The following ZNF595 variants were observed in gnomAD, a reference collection of about 807,000 sequenced individuals.
ZNF595 encodes the protein zinc finger protein 595.
ZNF595 carries 9 observed loss-of-function variants against 19.4 expected under a neutral mutation model. The ratio of observed to expected loss-of-function variants is 0.46; its 90% CI spans 0.28 to 0.81. The LOEUF (loss-of-function observed/expected upper bound fraction) is 0.81, where lower values mean the gene tolerates loss of function less well. ZNF595 is among the 30% of genes least tolerant of loss of function. The pLI, the probability that ZNF595 is intolerant of heterozygous loss-of-function variation, is 0.11. For synonymous variants in ZNF595, 255 were observed against 255.9 expected, an observed-to-expected ratio of 1.00 and a Z score of 0.03; for missense variants, 729 against 736.0, an observed-to-expected ratio of 0.99 and a Z score of 0.11.
chr4:73,507 G>A (rs1311399458), intron 3 of ZNF595, among the ~76,000 whole-genome samples: 1 of 152,126 alleles, frequency 6.6e-6, no homozygotes, highest in Non-Finnish European at 1.5e-5. Context: ...TTTAGAATCG[G>A]TGAATTTGAG....
At chr4:81,782 A>G (rs954209688) in intron 3 of ZNF595, among the ~76,000 whole-genome samples, 13 of 152,206 alleles carry the variant, frequency 8.5e-5, no homozygotes, top group Non-Finnish European at 1.6e-4. Context: ...GTTGATTCAT[A>G]CAGTTTCTCT....
At chr4:72,737 A>G (rs1182815407) in intron 3 of ZNF595, among the ~76,000 whole-genome samples, 2 of 152,198 alleles carry the variant, frequency 1.3e-5, no homozygotes, top group Admixed American at 6.5e-5. Context: ...TCCTGTGAAC[A>G]TAAGTGCTGA....
intron 3 of ZNF595, among the ~76,000 whole-genome samples, chr4:83,619 CAAAAAAAAAAAAA>C (rs71164492): frequency 1.8e-4 from 7 of 38,600 alleles, no homozygotes; most frequent in East Asian, 2.3e-3. Context: ...GACTCCGTCT[CAAAAAAAAAAAAA>C]AAAAAAAAAA....
intron 3 of ZNF595, among the ~76,000 whole-genome samples, chr4:69,901 G>A (rs782751497): frequency 4.6e-5 from 7 of 152,076 alleles, no homozygotes; most frequent in South Asian, 2.1e-4. Flanking sequence ...TTCATAGTTC[G>A]ATGCGGGGGT....
chr4:83,632 AAAAAAAAAAAAAAG>A (rs1420018683), intron 3 of ZNF595, among the ~76,000 whole-genome samples: 44 of 140,168 alleles, frequency 3.1e-4, no homozygotes, highest in African/African-American at 1.1e-3. Flanking sequence ...AAAAAAAAAA[AAAAAAAAAAAAAAG>A]AAAGAAAGAA....
intron 3 of ZNF595, among the ~76,000 whole-genome samples, chr4:79,685 T>C (rs1227599689): frequency 2.6e-5 from 4 of 151,650 alleles, no homozygotes; most frequent in East Asian, 1.9e-4. Flanking sequence ...GTTTTTTTTT[T>C]TTTTCTTTTC....
chr4:74,371 ATTG>A (rs1387827050), intron 3 of ZNF595, among the ~76,000 whole-genome samples: 77 of 152,094 alleles, frequency 5.1e-4, no homozygotes, highest in African/African-American at 1.8e-3. Context: ...ATGCAAGTAC[ATTG>A]TTTTCTGTCT....
chr4:79,434 C>CT (rs1286801167), intron 3 of ZNF595, among the ~76,000 whole-genome samples: 2 of 152,156 alleles, frequency 1.3e-5, no homozygotes, highest in African/African-American at 4.8e-5. Flanking sequence ...TGAAGTCCTG[C>CT]TTTATCATGT....
At chr4:66,846 G>T (rs1300057571) in intron 3 of ZNF595, among the ~76,000 whole-genome samples, 1 of 151,920 alleles carries the variant, frequency 6.6e-6, no homozygotes, top group East Asian at 1.9e-4. Context: ...TTTGTTATCT[G>T]TTCTAAAAAC....
intron 3 of ZNF595, among the ~76,000 whole-genome samples, chr4:75,490 T>C (rs920545154): frequency 6.6e-6 from 1 of 152,244 alleles, no homozygotes; most frequent in African/African-American, 2.4e-5. Context: ...TGTCATGACC[T>C]AATAACTTAA....
intron 3 of ZNF595, among the ~76,000 whole-genome samples, chr4:66,228 T>G (rs1312579434): frequency 6.6e-6 from 1 of 151,718 alleles, no homozygotes; most frequent in African/African-American, 2.4e-5. Context: ...CTCATTGTGG[T>G]TTTTCTTTAC....
intron 3 of ZNF595, 96 bp from the exon 4 acceptor site, chr4:85,632 TTAC>T: frequency 7.5e-7 from 1 of 1,340,296 alleles, no homozygotes; most frequent in Non-Finnish European, 1.0e-6. Context: ...TTATGCTATC[TTAC>T]TAATGCAGTT....
rs1560092266 is a variant in ZNF595, at chr4:82,371, G to GTTTT, written c.227-3360_227-3359insTTTT. The stretch of plus-strand genomic sequence containing the variant: ...ACAAAAGTCCATTTTTTTGGTTTGT[G>GTTTT]GTTTTTTTTTTTTTTTTTTTTTTTT... On this transcript the variant is annotated intron_variant, in intron 3 of 3. Coordinates refer to ENST00000610261, the MANE Select transcript of ZNF595 (RefSeq NM_182524.4). Among the ~76,000 whole-genome samples, 84 of 97,692 alleles carry GTTTT rather than the reference G, an allele frequency of 8.6e-4. 11 individuals carry two copies. Among genetic ancestry groups the GTTTT allele is most frequent in the African/African-American group, 2.5e-3 (69 of 27,388 alleles). 64.1% of individuals were successfully genotyped at this position (97,692 alleles called of 152,430 possible). A position where few individuals can be genotyped will look rare whatever the true frequency, so the allele number is the denominator to read the frequency against.
intron 3 of ZNF595, among the ~76,000 whole-genome samples, chr4:60,671 A>G (rs1300945727): frequency 6.6e-6 from 1 of 152,412 alleles, no homozygotes; most frequent in Admixed American, 6.5e-5. Context: ...CAGGTTAGTG[A>G]CATACGTATA....
intron 3 of ZNF595, among the ~76,000 whole-genome samples, chr4:73,942 G>C (rs1186269831): frequency 6.6e-6 from 1 of 152,070 alleles, no homozygotes; most frequent in African/African-American, 2.4e-5. Flanking sequence ...TGTCAGAATT[G>C]AGTTGTTGGA....
chr4:70,645 T>C (rs912980505), intron 3 of ZNF595, among the ~76,000 whole-genome samples: 13 of 152,220 alleles, frequency 8.5e-5, no homozygotes, highest in Non-Finnish European at 1.9e-4. Context: ...CTCCAATAAA[T>C]ATTCTTGACA....
intron 3 of ZNF595, among the ~76,000 whole-genome samples, chr4:69,317 T>C (rs1201196551): frequency 1.3e-5 from 2 of 152,202 alleles, no homozygotes. Context: ...GAGGAACCTC[T>C]AAGCTGTGCT....
In ZNF595 at chr4:87,229, A is replaced by G. The variant is rs782036360; in HGVS notation, c.1725A>G (p.Leu575=). Residue 575 remains leucine (L), a synonymous_variant, in exon 4 of 4, where the codon TTA becomes TTG. Coordinates refer to ENST00000610261, the MANE Select transcript of ZNF595 (RefSeq NM_182524.4). ...KCKECGKAYN[L]SSTLTKHKRI... Reference sequence around the variant, plus strand: ...AAGAATGTGGCAAAGCCTATAACTTATCCTCAACCCTTACTAAACATAAGA... The same window carrying G: ...AAGAATGTGGCAAAGCCTATAACTTGTCCTCAACCCTTACTAAACATAAGA... 1.3e-6 allele frequency: 2 copies of G among 1,594,896 alleles called. No homozygotes were observed. Among genetic ancestry groups the G allele is most frequent in the East Asian group, 2.3e-5 (1 of 43,384 alleles).
intron 3 of ZNF595, among the ~76,000 whole-genome samples, chr4:80,941 C>T (rs944256513): frequency 3.9e-5 from 6 of 152,090 alleles, no homozygotes; most frequent in Non-Finnish European, 4.4e-5. Context: ...TTTTAAGCCC[C>T]GCACTCATTA....
Sources: gnomAD v4.1 joint callset for allele counts (sites outside exome capture counted in the v4.1 genomes callset) on GRCh38, gnomAD v4.1.1 for gene constraint, MANE v1.5 for transcripts, NCBI Gene and HGNC (gene_info 2026-07-23, HGNC 2026-07-21) for gene names.